Variants in KAZN observed in about 807,000 individuals in gnomAD.
The protein encoded by KAZN is kazrin, periplakin interacting protein, also known as kazrin.
In KAZN, 40 loss-of-function variants were observed where a neutral mutation model predicts 87.4. The ratio of observed to expected loss-of-function variants is 0.46; its 90% CI spans 0.36 to 0.60. The LOEUF (loss-of-function observed/expected upper bound fraction) is 0.60. Among genes scored for constraint, KAZN ranks in the 20% least tolerant of loss-of-function variants. The pLI, the probability that KAZN is intolerant of heterozygous loss-of-function variation, is 0.00. For missense variants in KAZN, 898 were observed against 1,073.9 expected (o/e 0.84, Z 2.29); for synonymous variants, 466 against 458.3 (o/e 1.02, Z -0.22).
chr1:15,019,976 TGTC>T (rs1670504897), intron 2 of KAZN, among the ~76,000 whole-genome samples: 1 of 152,132 alleles, frequency 6.6e-6, no homozygotes, highest in African/African-American at 2.4e-5. Flanking sequence ...CGGACAGCGT[TGTC>T]GTGGCCTGTG....
chr1:14,620,586 A>T (rs569597568), intron 1 of KAZN, among the ~76,000 whole-genome samples: 1 of 152,286 alleles, frequency 6.6e-6, no homozygotes, highest in Non-Finnish European at 1.5e-5. Flanking sequence ...GTAACCATGG[A>T]AACTTTCCTC....
intron 1 of KAZN, among the ~76,000 whole-genome samples, chr1:14,009,121 G>GT (rs1284457148): frequency 6.6e-6 from 1 of 152,178 alleles, no homozygotes; most frequent in Non-Finnish European, 1.5e-5. Context: ...GTTCATCCAT[G>GT]TTGTACCATG....
chr1:14,656,910 C>G (rs1027127148), intron 1 of KAZN, among the ~76,000 whole-genome samples: 1 of 152,148 alleles, frequency 6.6e-6, no homozygotes, highest in African/African-American at 2.4e-5. Context: ...AATGCAAAAT[C>G]GTGCTATTAT....
At chr1:14,816,028 C>T (rs1318314964) in intron 1 of KAZN, among the ~76,000 whole-genome samples, 29 of 152,130 alleles carry the variant, frequency 1.9e-4, no homozygotes, top group Admixed American at 1.8e-3. Context: ...GCAAGGCTGA[C>T]ATTGTAGAAG....
At chr1:14,846,492 A>C (rs1439616729) in intron 1 of KAZN, among the ~76,000 whole-genome samples, 1 of 152,200 alleles carries the variant, frequency 6.6e-6, no homozygotes, top group African/African-American at 2.4e-5. Flanking sequence ...ACAGACCGTG[A>C]GATATTAAAA....
intron 1 of KAZN, among the ~76,000 whole-genome samples, chr1:14,639,725 A>T (rs1680277788): frequency 6.6e-6 from 1 of 151,988 alleles, no homozygotes; most frequent in African/African-American, 2.4e-5. Flanking sequence ...AGACTTGTAG[A>T]TGGACTGCAG....
At chr1:14,482,150 C>T (rs1477337592) in intron 2 of KAZN, among the ~76,000 whole-genome samples, 5 of 152,172 alleles carry the variant, frequency 3.3e-5, no homozygotes, top group Admixed American at 6.5e-5. Context: ...AGGCCACCTC[C>T]GGGACAGGTG....
At chr1:13,946,654 A>G (rs938682759) in intron 1 of KAZN, among the ~76,000 whole-genome samples, 2 of 152,170 alleles carry the variant, frequency 1.3e-5, no homozygotes, top group African/African-American at 4.8e-5. Context: ...CTAATATTCC[A>G]AAAGGGTCAT....
intron 2 of KAZN, among the ~76,000 whole-genome samples, chr1:14,433,659 A>G (rs1666210420): frequency 6.6e-6 from 1 of 152,208 alleles, no homozygotes; most frequent in Non-Finnish European, 1.5e-5. Context: ...GGAGTTCAAG[A>G]GCAGCCTGAC....
At chr1:14,146,144 C>T (rs147520473) in intron 1 of KAZN, among the ~76,000 whole-genome samples, 13 of 152,038 alleles carry the variant, frequency 8.6e-5, no homozygotes, top group Non-Finnish European at 1.5e-4. Context: ...TTAATATTCT[C>T]CTTGGTGTAG....
At chr1:14,835,697 G>A (rs1332154086) in intron 1 of KAZN, among the ~76,000 whole-genome samples, 1 of 152,082 alleles carries the variant, frequency 6.6e-6, no homozygotes, top group Non-Finnish European at 1.5e-5. Context: ...AAGGGAAATG[G>A]GAGCTGTGCT....
chr1:14,332,101 G>C (rs1656899896), intron 2 of KAZN, among the ~76,000 whole-genome samples: 1 of 152,070 alleles, frequency 6.6e-6, no homozygotes, highest in African/African-American at 2.4e-5. Context: ...AACCTTTAAA[G>C]AAATGTAAAA....
At chr1:14,078,395 T>A (rs1242036028) in intron 1 of KAZN, among the ~76,000 whole-genome samples, 1 of 152,256 alleles carries the variant, frequency 6.6e-6, no homozygotes, top group Non-Finnish European at 1.5e-5. Context: ...AAATCATCTA[T>A]CATTTCTGAA....
intron 2 of KAZN, among the ~76,000 whole-genome samples, chr1:14,307,918 A>G (rs959076252): frequency 6.6e-6 from 1 of 152,236 alleles, no homozygotes; most frequent in Non-Finnish European, 1.5e-5. Flanking sequence ...AACATCATCA[A>G]TATTGGGACA....
chr1:14,637,662 T>C (rs758275626), intron 1 of KAZN, among the ~76,000 whole-genome samples: 8 of 152,050 alleles, frequency 5.3e-5, no homozygotes, highest in Non-Finnish European at 8.8e-5. Flanking sequence ...TAAAGTTCCT[T>C]TGGTGATTGT....
Position 14,318,762 on chromosome 1 carries a change from C to T in KAZN, c.249+138170C>T, listed in dbSNP as rs78885328. On this transcript the variant is annotated intron_variant, in intron 2 of 16. Coordinates refer to the KAZN transcript ENST00000636203. ...ATTTGGATAGTTTCTGTGGGCATGT[C>T]TTCAAGTTCTCTAACTTTTTACTCT... Among the ~76,000 whole-genome samples the T allele has an allele frequency of 3.0e-3, 451 of 152,114 alleles. 12 individuals carry two copies. The East Asian group carries it at 0.062, about 21-fold the overall frequency.
chr1:14,758,044 C>G lies in KAZN; in HGVS notation c.226+158821C>G, dbSNP rs148337476. ...CCATGCTGTTGCCACAGCCACAACACAGGTAGATGGAATGGACTTCACTGC... is the reference window on the plus strand; with the variant it reads ...CCATGCTGTTGCCACAGCCACAACAGAGGTAGATGGAATGGACTTCACTGC... On this transcript the variant is annotated intron_variant, in intron 1 of 14. Transcript: ENST00000376030. 3.2e-3 allele frequency among the ~76,000 whole-genome samples: 482 copies of G among 152,332 alleles called. 1 individual carries two copies. Among genetic ancestry groups the G allele is most frequent in the Non-Finnish European group, 5.0e-3 (343 of 68,032 alleles).
chr1:14,520,342 A>C (rs968290437), intron 2 of KAZN, among the ~76,000 whole-genome samples: 1 of 152,098 alleles, frequency 6.6e-6, no homozygotes, highest in Admixed American at 6.5e-5. Flanking sequence ...AAGGGTGGGC[A>C]TGGGGTGCCA....
chr1:14,210,086 G>A (rs536622737), intron 2 of KAZN, among the ~76,000 whole-genome samples: 40 of 152,242 alleles, frequency 2.6e-4, no homozygotes, highest in African/African-American at 8.9e-4. Flanking sequence ...GATATGGTTT[G>A]GCTGTGTCCC....
Sources: gnomAD v4.1 joint callset for allele counts (sites outside exome capture counted in the v4.1 genomes callset) on GRCh38, gnomAD v4.1.1 for gene constraint, MANE v1.5 for transcripts, NCBI Gene and HGNC (gene_info 2026-07-23, HGNC 2026-07-21) for gene names.